Variants in ATP6V1B2 observed in about 807,000 individuals in gnomAD.
ATP6V1B2 encodes the protein ATPase H+ transporting V1 subunit B2.
ATP6V1B2 carries 23 observed loss-of-function variants against 66.7 expected under a neutral mutation model. The ratio of observed to expected loss-of-function variants is 0.34; its 90% CI spans 0.25 to 0.49. ATP6V1B2 has a LOEUF of 0.49. ATP6V1B2 is among the 20% of genes least tolerant of loss of function. The probability of loss-of-function intolerance (pLI) is 0.99; values close to 1 mark genes in which losing one functional copy is unlikely to be tolerated. For synonymous variants in ATP6V1B2, 278 were observed against 236.7 expected (o/e 1.17, Z -1.60); for missense variants, 478 against 650.8 (o/e 0.73, Z 2.89).
In ATP6V1B2 at chr8:20,212,219, C is replaced by A. The variant is rs1216758231; in HGVS notation, c.803+20C>A. 6.2e-7 allele frequency: 1 copy of A among 1,604,644 alleles called. No individual in the cohort carries two copies. Among genetic ancestry groups the A allele is most frequent in the African/African-American group, 1.3e-5 (1 of 74,666 alleles). On this transcript the variant is annotated intron_variant, in intron 8 of 13. Transcript: ENST00000276390. Reference sequence around the variant, plus strand: ...CCCAACGTAAGTAACAGAGCTATTTCTTTCTGTGGCCCAGACTCGGGATCA... The same window carrying A: ...CCCAACGTAAGTAACAGAGCTATTTATTTCTGTGGCCCAGACTCGGGATCA...
chr8:20,203,827 C>CT (rs1279317895), intron 1 of ATP6V1B2: 28 of 358,148 alleles, frequency 7.8e-5, no homozygotes, highest in African/African-American at 5.6e-4. Context: ...TAACGTTTGA[C>CT]TTTTTTTAAA....
At chr8:20,220,148 CT>C (rs930796552) in intron 13 of ATP6V1B2, 114 bp from the exon 14 acceptor site, 3,754 of 1,127,314 alleles carry the variant, frequency 3.3e-3, no homozygotes, top group Non-Finnish European at 3.8e-3. Context: ...GGAGTCCCAA[CT>C]TTTTTTTTTC....
At chr8:20,213,866 T>C (rs1288220409) in intron 9 of ATP6V1B2, 1 of 152,108 alleles carries the variant, frequency 6.6e-6, no homozygotes. Flanking sequence ...TTCTCCCCCA[T>C]CCATCACAGA....
chr8:20,206,533 C>A (rs957638462), intron 2 of ATP6V1B2, among the ~76,000 whole-genome samples: 1 of 152,134 alleles, frequency 6.6e-6, no homozygotes, highest in Non-Finnish European at 1.5e-5. Flanking sequence ...ATTAATATTA[C>A]CACTACTGTT....
At chr8:20,214,109 T>A (rs2072825609) in intron 9 of ATP6V1B2, 1 of 152,236 alleles carries the variant, frequency 6.6e-6, no homozygotes, top group Non-Finnish European at 1.5e-5. Flanking sequence ...TGTAGCACGC[T>A]CCTTTGAAGA....
chr8:20,216,934 A>G (rs376085403), intron 11 of ATP6V1B2: 2 of 366,136 alleles, frequency 5.5e-6, no homozygotes, highest in South Asian at 8.0e-5. Flanking sequence ...ATAATGTGGT[A>G]GTACTTATCA....
intron 2 of ATP6V1B2, among the ~76,000 whole-genome samples, chr8:20,207,330 G>T (rs559123693): frequency 6.6e-6 from 1 of 152,144 alleles, no homozygotes; most frequent in African/African-American, 2.4e-5. Context: ...GGCCATGGGG[G>T]ACACTGTGCT....
rs892460548 is a variant in ATP6V1B2, at chr8:20,204,373, C to T, written c.137-111C>T. ...AAAATTTTGTAGCTATTTGAGTGTA[C>T]CGTATTCTAATAGACATGATAACGT... On this transcript the variant is annotated intron_variant, in intron 1 of 13. Transcript: ENST00000276390. 52 of 879,002 alleles carry T rather than the reference C, an allele frequency of 5.9e-5. No homozygotes were observed. The African/African-American group carries it at 8.1e-4, about 14-fold the overall frequency. The allele number at this position is 879,002 out of a possible 1,614,324, so 54.5% of individuals were successfully genotyped here.
intron 2 of ATP6V1B2, among the ~76,000 whole-genome samples, chr8:20,206,735 A>G (rs1374069763): frequency 6.6e-5 from 10 of 152,034 alleles, no homozygotes; most frequent in African/African-American, 1.9e-4. Context: ...TTTTTTTTGA[A>G]GACCTAAGCA....
In ATP6V1B2 at chr8:20,209,374, T is replaced by A. The variant is rs2072770661; in HGVS notation, c.193-59T>A. The A allele has an allele frequency of 4.0e-6, 6 of 1,482,450 alleles. No individual in the cohort carries two copies. The Admixed American group carries it at 8.4e-5, about 21-fold the overall frequency. The allele number at this position is 1,482,450 out of a possible 1,614,324, so 91.8% of individuals were successfully genotyped here. A position where few individuals can be genotyped will look rare whatever the true frequency, so the allele number is the denominator to read the frequency against. Reference sequence around the variant, plus strand: ...CAACATGGGAGAGACAGAGCATGTGTAGTAATTTGGGGGGCTTGTAAAATG... The same window carrying A: ...CAACATGGGAGAGACAGAGCATGTGAAGTAATTTGGGGGGCTTGTAAAATG... On this transcript the variant is annotated intron_variant, in intron 2 of 13. Transcript: ENST00000276390.
chr8:20,212,086 A>T lies in ATP6V1B2; in HGVS notation c.706-16A>T. On this transcript the variant is annotated splice_polypyrimidine_tract_variant and intron_variant, in intron 7 of 13. Coordinates refer to ENST00000276390, the MANE Select transcript of ATP6V1B2 (RefSeq NM_001693.4). ...ATTTTTCTTCTCCCAGCACTGATGAAGTTATTGTTATTTAGGTAAACATGG... is the reference window on the plus strand; with the variant it reads ...ATTTTTCTTCTCCCAGCACTGATGATGTTATTGTTATTTAGGTAAACATGG... 6.2e-7 allele frequency: 1 copy of T among 1,605,256 alleles called. No homozygotes were observed.
At position 20,198,365 on chromosome 8, in the gene ATP6V1B2, G is replaced by T. The variant is rs917110398; in HGVS notation, c.136+823G>T. Among the ~76,000 whole-genome samples, 6 of 152,332 alleles carry T rather than the reference G, an allele frequency of 3.9e-5. No individual in the cohort carries two copies. In the South Asian group the frequency reaches 6.2e-4, roughly 16 times the overall value. On this transcript the variant is annotated intron_variant, in intron 1 of 13. Transcript: ENST00000276390. ...TTCTTTGGGGAAGCCAGGTGGCTTT[G>T]CCCATAGGTGGTGTGTGTGCATAGG...
chr8:20,210,723 T>G (rs1221241950), intron 5 of ATP6V1B2, 77 bp downstream of exon 5: 1 of 1,277,408 alleles, frequency 7.8e-7, no homozygotes, highest in Non-Finnish European at 1.1e-6. Context: ...AGATAGAGAG[T>G]GTTTTTTGTG....
At chr8:20,206,087 C>T (rs1297487841) in intron 2 of ATP6V1B2, among the ~76,000 whole-genome samples, 1 of 152,188 alleles carries the variant, frequency 6.6e-6, no homozygotes, top group African/African-American at 2.4e-5. Context: ...GAGTATCTAC[C>T]ACAACCTGCA....
chr8:20,210,461 T>C (rs2072781608), intron 4 of ATP6V1B2, 22 bp downstream of exon 4: 29 of 1,608,354 alleles, frequency 1.8e-5, no homozygotes, highest in Non-Finnish European at 2.3e-5. Context: ...TTATTCATTC[T>C]AAGCCGAGAT....
chr8:20,218,909 C>T (rs1221203181), intron 13 of ATP6V1B2, among the ~76,000 whole-genome samples: 1 of 152,140 alleles, frequency 6.6e-6, no homozygotes, highest in Non-Finnish European at 1.5e-5. Flanking sequence ...TCCAGCTGAC[C>T]TGCCTAGCAG....
chr8:20,208,201 T>C lies in ATP6V1B2; in HGVS notation c.193-1232T>C, dbSNP rs2072757197. On this transcript the variant is annotated intron_variant, in intron 2 of 13. Coordinates refer to ENST00000276390, the MANE Select transcript of ATP6V1B2 (RefSeq NM_001693.4). ...ATGGCTTTGGGAAATTCTGGCATGC[T>C]TGTATGAGGAGCCCCATACAAGAAT... 4.6e-5 allele frequency among the ~76,000 whole-genome samples: 7 copies of C among 152,220 alleles called. No individual in the cohort carries two copies. The South Asian group carries it at 1.4e-3, about 32-fold the overall frequency.
chr8:20,204,032 CT>C (rs2128884871), intron 1 of ATP6V1B2: 1 of 455,056 alleles, frequency 2.2e-6, no homozygotes, highest in Non-Finnish European at 4.4e-6. Flanking sequence ...CTTTCCTCAT[CT>C]ACTTAGCTAA....
At position 20,221,666 on chromosome 8, in the gene ATP6V1B2, G is replaced by A. The variant is rs527935415; in HGVS notation, c.*1264G>A. On this transcript the variant is annotated 3_prime_UTR_variant, in exon 14 of 14. Coordinates refer to ENST00000276390, the MANE Select transcript of ATP6V1B2 (RefSeq NM_001693.4). ...AAAATGTGACATCTGGATATAAAAT[G>A]AAAATAAATGTTAAATTAAATGGAC... The A allele has an allele frequency of 6.6e-6, 1 of 152,614 alleles. No individual in the cohort carries two copies. The highest frequency in any genetic ancestry group is 1.5e-5 in the Non-Finnish European group (1 of 68,026). 9.5% of individuals were successfully genotyped at this position (152,614 alleles called of 1,614,324 possible).
Sources: gnomAD v4.1 joint callset for allele counts (sites outside exome capture counted in the v4.1 genomes callset) on GRCh38, gnomAD v4.1.1 for gene constraint, MANE v1.5 for transcripts, NCBI Gene and HGNC (gene_info 2026-07-23, HGNC 2026-07-21) for gene names.